RNF182: variants seen among roughly 807,000 people sequenced by gnomAD.
RNF182 encodes E3 ubiquitin-protein ligase RNF182.
In RNF182, 15 loss-of-function variants were observed where a neutral mutation model predicts 14.4. The observed-to-expected ratio is 1.04, with a 90% confidence interval of 0.70 to 1.60. RNF182 has a LOEUF of 1.60. RNF182 is among the 40% of genes most tolerant of loss of function. The pLI is 0.00. For missense variants in RNF182, 268 were observed against 294.8 expected, an observed-to-expected ratio of 0.91 and a Z score of 0.67; for synonymous variants, 128 against 122.9, an observed-to-expected ratio of 1.04 and a Z score of -0.27.
intron 1 of RNF182, among the ~76,000 whole-genome samples, chr6:13,960,742 A>G (rs1410988627): frequency 6.6e-6 from 1 of 152,102 alleles, no homozygotes; most frequent in Non-Finnish European, 1.5e-5. Flanking sequence ...ATTTAGTGAA[A>G]TAGGCATCAA....
At chr6:13,941,556 A>G (rs1759299821) in intron 1 of RNF182, among the ~76,000 whole-genome samples, 1 of 152,044 alleles carries the variant, frequency 6.6e-6, no homozygotes, top group Non-Finnish European at 1.5e-5. Context: ...AATTGGGTTT[A>G]AACTTCCCAT....
chr6:13,941,623 C>A (rs1331888930), intron 1 of RNF182, among the ~76,000 whole-genome samples: 1 of 151,540 alleles, frequency 6.6e-6, no homozygotes, highest in African/African-American at 2.4e-5. Context: ...TTCTTTCTTG[C>A]CTTTAAAAAA....
At chr6:13,961,868 G>T (rs141634710) in intron 1 of RNF182, among the ~76,000 whole-genome samples, 1 of 152,048 alleles carries the variant, frequency 6.6e-6, no homozygotes. Flanking sequence ...GGGTATTGTG[G>T]GTTAAATTCT....
chr6:13,948,755 G>C (rs1369161542), intron 1 of RNF182, among the ~76,000 whole-genome samples: 16 of 152,060 alleles, frequency 1.1e-4, no homozygotes. Context: ...CATTTATTTA[G>C]CCAAAATGAC....
At chr6:13,949,175 C>T (rs535601956) in intron 1 of RNF182, 17 of 802,012 alleles carry the variant, frequency 2.1e-5, no homozygotes, top group Non-Finnish European at 3.4e-5. Flanking sequence ...CATCTTCAGC[C>T]TACCAAAACT....
At chr6:13,967,817 C>T (rs971365910) in intron 1 of RNF182, among the ~76,000 whole-genome samples, 2 of 152,100 alleles carry the variant, frequency 1.3e-5, no homozygotes, top group Non-Finnish European at 1.5e-5. Context: ...ATTCTCTACC[C>T]TCAGCCTCCT....
intron 1 of RNF182, among the ~76,000 whole-genome samples, chr6:13,956,709 T>C (rs1759742808): frequency 1.3e-5 from 2 of 152,194 alleles, no homozygotes; most frequent in South Asian, 4.1e-4. Flanking sequence ...AAGTTTCACT[T>C]CTTTCCATGG....
intron 1 of RNF182, among the ~76,000 whole-genome samples, chr6:13,947,345 A>AT (rs1449390419): frequency 6.6e-6 from 1 of 152,208 alleles, no homozygotes; most frequent in African/African-American, 2.4e-5. Context: ...TCCAGTCCCT[A>AT]TTTTTATTTA....
chr6:13,926,545 A>T (rs1029971982), intron 1 of RNF182, among the ~76,000 whole-genome samples: 1 of 152,198 alleles, frequency 6.6e-6, no homozygotes. Context: ...TTTAAACTGA[A>T]TTTTACCTGT....
rs765496606 is a variant in RNF182, at chr6:13,977,374, C to T, written c.255C>T (p.Asn85=). The change falls in exon 3 of 3, where the codon AAC becomes AAT. Residue 85 remains asparagine (N), a synonymous_variant. Transcript: ENST00000488300. ...DDEVSSLPDD[N]NILVNLTCGG... ...AAGTTAGTAGCCTGCCCGATGACAA[C>T]AACATCCTTGTAAACTTGACTTGTG... The T allele has an allele frequency of 6.2e-7, 1 of 1,614,186 alleles. No individual in the cohort carries two copies. The highest frequency in any genetic ancestry group is 1.1e-5 in the South Asian group (1 of 91,086).
At chr6:13,926,789 GTGTTT>G (rs981582014) in intron 1 of RNF182, among the ~76,000 whole-genome samples, 3 of 136,518 alleles carry the variant, frequency 2.2e-5, no homozygotes, top group African/African-American at 9.2e-5. Flanking sequence ...GTGTGTGTGT[GTGTTT>G]TTTTTTTTTT....
At chr6:13,931,140 G>A (rs1758958160) in intron 1 of RNF182, among the ~76,000 whole-genome samples, 1 of 152,140 alleles carries the variant, frequency 6.6e-6, no homozygotes. Context: ...GCAGACCTCA[G>A]ATGGGCTTTT....
intron 1 of RNF182, 189 bp downstream of exon 1, chr6:13,925,212 G>A (rs1028258531): frequency 6.6e-6 from 1 of 151,412 alleles, no homozygotes. Context: ...CGGGCACCAC[G>A]GGGGCCGCCG....
chr6:13,936,899 G>T (rs1759123938), intron 1 of RNF182, among the ~76,000 whole-genome samples: 1 of 152,150 alleles, frequency 6.6e-6, no homozygotes, highest in Non-Finnish European at 1.5e-5. Context: ...AAATAATGTG[G>T]CTTCTTTTGG....
chr6:13,949,482 A>G, intron 1 of RNF182: 2 of 595,968 alleles, frequency 3.4e-6, no homozygotes, highest in Admixed American at 2.8e-5. Flanking sequence ...AAGGCTGGTT[A>G]TAAGAAAAAA....
At chr6:13,931,455 A>G (rs953998184) in intron 1 of RNF182, among the ~76,000 whole-genome samples, 1 of 152,090 alleles carries the variant, frequency 6.6e-6, no homozygotes, top group African/African-American at 2.4e-5. Context: ...TCAGGGATGA[A>G]GTTAGAAGTT....
chr6:13,956,230 T>C (rs780224041), intron 1 of RNF182, among the ~76,000 whole-genome samples: 4 of 152,180 alleles, frequency 2.6e-5, no homozygotes, highest in Non-Finnish European at 4.4e-5. Flanking sequence ...TATTGGCTAT[T>C]GTAATAGTGA....
At chr6:13,931,869 G>A (rs1247561297) in intron 1 of RNF182, among the ~76,000 whole-genome samples, 3 of 152,096 alleles carry the variant, frequency 2.0e-5, no homozygotes, top group Non-Finnish European at 4.4e-5. Flanking sequence ...AGGGCCTTTG[G>A]GAGGTGATTA....
chr6:13,949,460 T>G (rs1585037352), intron 1 of RNF182: 1 of 653,172 alleles, frequency 1.5e-6, no homozygotes, highest in East Asian at 2.8e-5. Context: ...TTCTGGCCTT[T>G]GGTTGACGAG....
Sources: gnomAD v4.1 joint callset for allele counts (sites outside exome capture counted in the v4.1 genomes callset) on GRCh38, gnomAD v4.1.1 for gene constraint, MANE v1.5 for transcripts, NCBI Gene and HGNC (gene_info 2026-07-23, HGNC 2026-07-21) for gene names.